Variants in CERK observed in about 807,000 individuals in gnomAD.
The protein encoded by CERK is ceramide kinase, also known as acylsphingosine kinase.
Under a neutral mutation model 63.4 loss-of-function variants are expected in CERK, and 39 were observed. The ratio of observed to expected loss-of-function variants is 0.61; its 90% confidence interval spans 0.48 to 0.80. CERK has a LOEUF of 0.80. Among genes scored for constraint, CERK ranks in the 30% least tolerant of loss-of-function variants. The probability of loss-of-function intolerance (pLI) is 0.00; values close to 1 mark genes in which losing one functional copy is unlikely to be tolerated. For missense variants in CERK, 670 were observed against 714.1 expected (o/e 0.94, Z 0.70); for synonymous variants, 302 against 280.0 (o/e 1.08, Z -0.78).
At chr22:46,713,031 A>G (rs1212799506) in intron 3 of CERK, among the ~76,000 whole-genome samples, 1 of 151,160 alleles carries the variant, frequency 6.6e-6, no homozygotes, top group East Asian at 2.0e-4. Context: ...TTGTTAGTAG[A>G]GATGGGGTTT....
chr22:46,697,058 C>G (rs1164228120), intron 8 of CERK, among the ~76,000 whole-genome samples: 1 of 152,212 alleles, frequency 6.6e-6, no homozygotes, highest in Non-Finnish European at 1.5e-5. Flanking sequence ...AAATACCTCA[C>G]TTTGCCATTT....
chr22:46,720,772 A>T, intron 2 of CERK, 130 bp downstream of exon 2: 1 of 590,484 alleles, frequency 1.7e-6, no homozygotes, highest in South Asian at 2.1e-5. Context: ...ATTTGGGGAA[A>T]AAAATAGGAA....
intron 7 of CERK, among the ~76,000 whole-genome samples, chr22:46,699,895 G>C (rs1366987179): frequency 6.6e-6 from 1 of 152,152 alleles, no homozygotes; most frequent in Admixed American, 6.6e-5. Context: ...TTGAGACCAG[G>C]CTGGCCAGAA....
At position 46,699,285 on chromosome 22, in the gene CERK, G is replaced by T. The variant is rs1338721022; in HGVS notation, c.943+28C>A. ...AAGGCAGTCGGGGCACGACCAGCGG[G>T]GAGCGAGTCTGCATTATTCTGAGTT... On this transcript the variant is annotated intron_variant, in intron 8 of 12. Transcript: ENST00000216264. The T allele has an allele frequency of 3.1e-6, 5 of 1,611,430 alleles. No individual in the cohort carries two copies. The African/African-American group carries it at 4.0e-5, about 13-fold the overall frequency.
At chr22:46,734,054 A>G (rs969991458) in intron 1 of CERK, among the ~76,000 whole-genome samples, 1 of 120,782 alleles carries the variant, frequency 8.3e-6, no homozygotes, top group Non-Finnish European at 1.8e-5. Flanking sequence ...AATATGTTAT[A>G]TATACATACA....
chr22:46,719,840 G>A (rs759201191), intron 3 of CERK, among the ~76,000 whole-genome samples: 10 of 152,166 alleles, frequency 6.6e-5, no homozygotes, highest in African/African-American at 9.7e-5. Context: ...TAAGTGACCC[G>A]CCCCCAGGCC....
chr22:46,711,198 C>T (rs1168275089), intron 4 of CERK, 49 bp from the exon 5 acceptor site: 2 of 1,404,394 alleles, frequency 1.4e-6, no homozygotes, highest in Admixed American at 1.7e-5. Flanking sequence ...TCTGTGAGTC[C>T]TCACGTAAAA....
chr22:46,689,879 G>A (rs1486547198), intron 12 of CERK, 113 bp downstream of exon 12: 11 of 671,524 alleles, frequency 1.6e-5, no homozygotes, highest in East Asian at 2.8e-5. Flanking sequence ...ACATTCTTAC[G>A]TTTTGTGTTT....
chr22:46,721,130 A>C, intron 1 of CERK, 115 bp from the exon 2 acceptor site: 1 of 714,642 alleles, frequency 1.4e-6, no homozygotes, highest in Non-Finnish European at 2.5e-6. Flanking sequence ...TTAGAAATTC[A>C]GGCTGGGTGT....
chr22:46,699,546 T>G, intron 7 of CERK, 81 bp from the exon 8 acceptor site: 1 of 1,335,460 alleles, frequency 7.5e-7, no homozygotes, highest in Non-Finnish European at 1.1e-6. Flanking sequence ...AATAGCACTT[T>G]GCAAACGTGG....
At chr22:46,728,316 C>A (rs1293393372) in intron 1 of CERK, among the ~76,000 whole-genome samples, 1 of 152,118 alleles carries the variant, frequency 6.6e-6, no homozygotes, top group Admixed American at 6.5e-5. Context: ...GCTCCAGGAA[C>A]CCCGCTCTTC....
At chr22:46,702,859 C>T (rs987890782) in intron 6 of CERK, among the ~76,000 whole-genome samples, 2 of 152,234 alleles carry the variant, frequency 1.3e-5, no homozygotes, top group South Asian at 4.1e-4. Context: ...AATGACCACC[C>T]ATACCTGTGG....
chr22:46,723,319 G>T (rs772451767), intron 1 of CERK, among the ~76,000 whole-genome samples: 1 of 152,168 alleles, frequency 6.6e-6, no homozygotes, highest in Non-Finnish European at 1.5e-5. Flanking sequence ...ATTGAGGAAC[G>T]TCAAGAATAA....
In CERK at chr22:46,695,259, C is replaced by T; in HGVS notation, c.1000G>A (p.Ala334Thr). Residue 334 changes from alanine (A) to threonine (T), a missense_variant, in exon 9 of 13, where the codon GCA becomes ACA. By Grantham distance (58) the Ala-to-Thr change is moderately conservative. Coordinates refer to ENST00000216264, the MANE Select transcript of CERK (RefSeq NM_022766.6). Reference sequence around the variant, plus strand: ...CTTGGAGATCCCACCGTGTGTTGTGCAGGGAGGAAGGACACTGTCCCTTCA... The same window carrying T: ...CTTGGAGATCCCACCGTGTGTTGTGTAGGGAGGAAGGACACTGTCCCTTCA... ...CYEGTVSFLPAQHTVGSPRDR... is the reference protein window; with the variant it reads ...CYEGTVSFLPTQHTVGSPRDR... The T allele has an allele frequency of 6.2e-7, 1 of 1,612,558 alleles. No individual in the cohort carries two copies. The highest frequency in any genetic ancestry group is 8.5e-7 in the Non-Finnish European group (1 of 1,178,620).
rs932583491 is a variant in CERK, at chr22:46,687,065, A to T, written c.*69T>A. 1.8e-5 allele frequency: 22 copies of T among 1,246,640 alleles called. No individual in the cohort carries two copies. Among genetic ancestry groups the T allele is most frequent in the Non-Finnish European group, 1.8e-5 (15 of 853,068 alleles). The allele number at this position is 1,246,640 out of a possible 1,614,324, so 77.2% of individuals were successfully genotyped here. On this transcript the variant is annotated 3_prime_UTR_variant, in exon 13 of 13. Coordinates refer to ENST00000216264, the MANE Select transcript of CERK (RefSeq NM_022766.6). ...TACATTTAAATGTATATATCAACAT[A>T]ATTGGTCTGTAATAATTATCTTAAA... is the stretch of plus-strand genomic sequence containing the variant.
intron 1 of CERK, among the ~76,000 whole-genome samples, chr22:46,727,380 T>G (rs57147704): frequency 6.6e-6 from 1 of 151,082 alleles, no homozygotes; most frequent in East Asian, 2.0e-4. Flanking sequence ...CCCAGGCTCA[T>G]GCAATCCTCC....
chr22:46,731,142 A>G (rs975087929), intron 1 of CERK, among the ~76,000 whole-genome samples: 2 of 152,256 alleles, frequency 1.3e-5, no homozygotes, highest in Admixed American at 1.3e-4. Flanking sequence ...CCTCATGCCC[A>G]CTAGGCATTG....
chr22:46,723,773 C>G (rs1236291168), intron 1 of CERK, among the ~76,000 whole-genome samples: 24 of 151,820 alleles, frequency 1.6e-4, no homozygotes, highest in Non-Finnish European at 2.9e-5. Flanking sequence ...TCTTGGCTCG[C>G]TGCAACCTCC....
In CERK at chr22:46,691,573, T is replaced by G. The variant is rs1421627467; in HGVS notation, c.1331A>C (p.Gln444Pro). The G allele has an allele frequency of 2.9e-5, 47 of 1,613,210 alleles. No homozygotes were observed. Among genetic ancestry groups the G allele is most frequent in the Non-Finnish European group, 3.9e-5 (46 of 1,179,692 alleles). ...FLIRHTNQQD[Q>P]FDFTFVEVYR... ...TCCATGCAAGAGCACCCCACTTACC[T>G]GGTCCTGCTGGTTGGTGTGCCTGAT... The change falls in exon 11 of 13, where the codon CAG (glutamine) becomes CCG (proline). Residue 444 changes from glutamine to proline, a missense_variant and splice_region_variant. Transcript: ENST00000216264.
Sources: allele counts gnomAD v4.1 joint callset (sites outside exome capture counted in the v4.1 genomes callset), GRCh38; gene constraint gnomAD v4.1.1; transcripts MANE v1.5; gene names NCBI Gene and HGNC (gene_info 2026-07-23, HGNC 2026-07-21).